Variants in CAMK1D observed in about 807,000 individuals in gnomAD.
CAMK1D encodes calcium/calmodulin-dependent protein kinase type 1D.
A neutral mutation model predicts 47.7 loss-of-function variants in CAMK1D; 9 were observed. The ratio of observed to expected loss-of-function variants is 0.19; its 90% CI spans 0.11 to 0.33. The LOEUF (loss-of-function observed/expected upper bound fraction) is 0.33, where lower values mean the gene tolerates loss of function less well. Ranked by LOEUF, CAMK1D falls within the 10% of genes least tolerant of loss-of-function variation. The pLI, the probability that CAMK1D is intolerant of heterozygous loss-of-function variation, is 1.00. For synonymous variants in CAMK1D, 184 were observed against 184.9 expected (o/e 0.99, Z 0.04); for missense variants, 291 against 488.7 (o/e 0.60, Z 3.81).
intron 1 of CAMK1D, among the ~76,000 whole-genome samples, chr10:12,372,571 A>G (rs1271758193): frequency 6.6e-6 from 1 of 152,232 alleles, no homozygotes; most frequent in Non-Finnish European, 1.5e-5. Context: ...AGGTGATGTT[A>G]GCATGGTATG....
chr10:12,586,568 C>G (rs1162969921), intron 2 of CAMK1D, among the ~76,000 whole-genome samples: 1 of 151,394 alleles, frequency 6.6e-6, no homozygotes, highest in Non-Finnish European at 1.5e-5. Context: ...TTCTCCAAAA[C>G]TAGTACTGAG....
chr10:12,555,046 G>T (rs531750297), intron 2 of CAMK1D, among the ~76,000 whole-genome samples: 5 of 152,182 alleles, frequency 3.3e-5, no homozygotes, highest in African/African-American at 1.2e-4. Flanking sequence ...TTTAAGAGTT[G>T]CTATTAATAA....
intron 2 of CAMK1D, among the ~76,000 whole-genome samples, chr10:12,665,932 C>G (rs1028957003): frequency 2.6e-5 from 4 of 152,238 alleles, no homozygotes; most frequent in Admixed American, 6.5e-5. Flanking sequence ...TTGAGCAGCG[C>G]TGGTCTAACA....
chr10:12,563,692 A>AGAGAGAGAGAGAGAGAGAGG (rs1564414480), intron 2 of CAMK1D, among the ~76,000 whole-genome samples: 1 of 63,804 alleles, frequency 1.6e-5, no homozygotes, highest in Non-Finnish European at 4.0e-5. Flanking sequence ...AGAGAGAGAG[A>AGAGAGAGAGAGAGAGAGAGG]GAGAGAGGGA....
At position 12,801,354 on chromosome 10, in the gene CAMK1D, T is replaced by TATCTATCTATC. The variant is rs57429397; in HGVS notation, c.641+10121_641+10122insATCTATCTATC. On this transcript the variant is annotated intron_variant, in intron 6 of 10. Transcript: ENST00000619168. ...CTATCTATCTATCTATCTATCTATC[T>TATCTATCTATC]TATCTATCTATCTATCTATCTATCT... is the stretch of plus-strand genomic sequence containing the variant. 4.5e-3 allele frequency among the ~76,000 whole-genome samples: 300 copies of TATCTATCTATC among 66,524 alleles called. 3 individuals are homozygous for TATCTATCTATC. Among genetic ancestry groups the TATCTATCTATC allele is most frequent in the East Asian group, 0.019 (38 of 2,010 alleles). 43.6% of individuals were successfully genotyped at this position (66,524 alleles called of 152,430 possible).
chr10:12,512,464 C>T (rs542941208), intron 1 of CAMK1D, among the ~76,000 whole-genome samples: 5 of 152,302 alleles, frequency 3.3e-5, no homozygotes, highest in South Asian at 2.1e-4. Flanking sequence ...GATGCAATCT[C>T]GGCTCACTGC....
At chr10:12,442,783 T>G (rs1322149934) in intron 1 of CAMK1D, among the ~76,000 whole-genome samples, 1 of 152,194 alleles carries the variant, frequency 6.6e-6, no homozygotes, top group South Asian at 2.1e-4. Context: ...GTAACCATTG[T>G]TGAGCATTTT....
chr10:12,526,774 C>T (rs879294896), intron 1 of CAMK1D, among the ~76,000 whole-genome samples: 22 of 151,366 alleles, frequency 1.5e-4, no homozygotes, highest in South Asian at 1.0e-3. Flanking sequence ...AAAAATTAGC[C>T]GGGTGTGGTG....
chr10:12,431,091 A>G (rs745568836), intron 1 of CAMK1D, among the ~76,000 whole-genome samples: 1 of 152,218 alleles, frequency 6.6e-6, no homozygotes, highest in Non-Finnish European at 1.5e-5. Flanking sequence ...TTTATTTTTT[A>G]TAATAAATTA....
At chr10:12,539,489 C>G (rs12412542) in intron 1 of CAMK1D, among the ~76,000 whole-genome samples, 2 of 152,156 alleles carry the variant, frequency 1.3e-5, no homozygotes, top group South Asian at 2.1e-4. Flanking sequence ...GTTGCTTCAC[C>G]ATTCAGGTTT....
chr10:12,382,424 A>G (rs552906667), intron 1 of CAMK1D, among the ~76,000 whole-genome samples: 10 of 152,270 alleles, frequency 6.6e-5, no homozygotes, highest in African/African-American at 9.6e-5. Context: ...TAACTTACAT[A>G]GGATCTTTCA....
chr10:12,489,226 C>G lies in CAMK1D; in HGVS notation c.93-63999C>G, dbSNP rs146159638. Among the ~76,000 whole-genome samples the G allele has an allele frequency of 6.9e-3, 1,051 of 152,312 alleles. 21 individuals carry two copies. The highest frequency in any genetic ancestry group is 0.023 in the African/African-American group (960 of 41,552). ...GTGCTGAGATTACAGGCGTGAGCCA[C>G]TGTGCCTGGCCTGTGCGGCCTGGTT... On this transcript the variant is annotated intron_variant, in intron 1 of 10. Coordinates refer to ENST00000619168, the MANE Select transcript of CAMK1D (RefSeq NM_153498.4).
At chr10:12,499,803 A>C (rs1192566263) in intron 1 of CAMK1D, among the ~76,000 whole-genome samples, 2 of 152,184 alleles carry the variant, frequency 1.3e-5, no homozygotes, top group Non-Finnish European at 2.9e-5. Flanking sequence ...TGTCTCTGCC[A>C]AGCAGAGTTC....
At chr10:12,398,523 AT>A (rs1490588092) in intron 1 of CAMK1D, among the ~76,000 whole-genome samples, 2 of 151,984 alleles carry the variant, frequency 1.3e-5, no homozygotes, top group Non-Finnish European at 2.9e-5. Context: ...TAATTTTTAT[AT>A]TTTTAGAAGA....
chr10:12,563,153 G>C (rs777027626), intron 2 of CAMK1D, among the ~76,000 whole-genome samples: 11 of 152,246 alleles, frequency 7.2e-5, no homozygotes, highest in Non-Finnish European at 1.5e-4. Flanking sequence ...CTGGGAACCA[G>C]GGGAGCCGAC....
intron 3 of CAMK1D, among the ~76,000 whole-genome samples, chr10:12,735,133 C>T (rs924787052): frequency 1.3e-5 from 2 of 152,096 alleles, no homozygotes; most frequent in African/African-American, 2.4e-5. Flanking sequence ...CTGATGATCT[C>T]GAGAGATAAG....
intron 2 of CAMK1D, among the ~76,000 whole-genome samples, chr10:12,577,015 C>G (rs923409720): frequency 2.6e-5 from 4 of 152,186 alleles, no homozygotes; most frequent in African/African-American, 9.7e-5. Context: ...GAACCAGTTC[C>G]AGAACACTTT....
At chr10:12,667,717 T>C (rs1388328762) in intron 3 of CAMK1D, among the ~76,000 whole-genome samples, 1 of 152,192 alleles carries the variant, frequency 6.6e-6, no homozygotes, top group Admixed American at 6.5e-5. Flanking sequence ...TTTTGAGACT[T>C]TGGATTGTTG....
chr10:12,723,341 C>T (rs760950442), intron 3 of CAMK1D, among the ~76,000 whole-genome samples: 6 of 152,170 alleles, frequency 3.9e-5, no homozygotes, highest in Admixed American at 6.5e-5. Flanking sequence ...CTGCAGCTCA[C>T]AAGGTTAGAA....
Sources: gnomAD v4.1 joint callset for allele counts (sites outside exome capture counted in the v4.1 genomes callset) on GRCh38, gnomAD v4.1.1 for gene constraint, MANE v1.5 for transcripts, NCBI Gene and HGNC (gene_info 2026-07-23, HGNC 2026-07-21) for gene names.